The following TTC29 variants were observed in gnomAD, a reference collection of about 807,000 sequenced individuals.
The protein encoded by TTC29 is tetratricopeptide repeat domain 29.
In TTC29, 49 loss-of-function variants were observed where a neutral mutation model predicts 58.1. That is an observed-to-expected ratio of 0.84 (90% confidence interval 0.67 to 1.07). TTC29 has a LOEUF of 1.07. Ranked by LOEUF, TTC29 falls within the 50% of genes least tolerant of loss-of-function variation. TTC29 has a pLI of 0.00. For missense variants in TTC29, 582 were observed against 555.6 expected (o/e 1.05, Z -0.48); for synonymous variants, 209 against 196.8 (o/e 1.06, Z -0.52).
chr4:146,736,152 C>G lies in TTC29; in HGVS notation c.1331-28601G>C, dbSNP rs150836120. Reference sequence around the variant, plus strand: ...AAATTTGATCTGAAATTGCCTGGAACGATAGTCAAGCAGATTAATCAAGAT... The same window carrying G: ...AAATTTGATCTGAAATTGCCTGGAAGGATAGTCAAGCAGATTAATCAAGAT... On this transcript the variant is annotated intron_variant, in intron 11 of 12. Coordinates refer to ENST00000325106, the MANE Select transcript of TTC29 (RefSeq NM_031956.4). Among the ~76,000 whole-genome samples the G allele has an allele frequency of 7.0e-3, 1,056 of 151,734 alleles. 7 individuals carry two copies. The highest frequency in any genetic ancestry group is 0.025 in the African/African-American group (1,021 of 41,394).
chr4:146,904,221 C>T (rs972134983), intron 5 of TTC29, among the ~76,000 whole-genome samples: 7 of 152,088 alleles, frequency 4.6e-5, no homozygotes, highest in Non-Finnish European at 1.0e-4. Context: ...AAAAATGTCA[C>T]GGGCCTGATA....
intron 11 of TTC29, among the ~76,000 whole-genome samples, chr4:146,718,655 T>C (rs1005413773): frequency 6.6e-6 from 1 of 152,036 alleles, no homozygotes; most frequent in Admixed American, 6.6e-5. Flanking sequence ...TTCCAATGCA[T>C]AGGTTTTCTC....
intron 8 of TTC29, among the ~76,000 whole-genome samples, chr4:146,863,920 A>C (rs770210277): frequency 6.6e-6 from 1 of 152,142 alleles, no homozygotes; most frequent in Non-Finnish European, 1.5e-5. Flanking sequence ...GCCCATCCAC[A>C]TAGGGGAAGG....
chr4:146,915,083 T>A (rs1734134129), intron 4 of TTC29, among the ~76,000 whole-genome samples: 1 of 152,146 alleles, frequency 6.6e-6, no homozygotes, highest in Admixed American at 6.6e-5. Flanking sequence ...CTTCAATTTT[T>A]ACAAATTAAA....
At chr4:146,905,326 AT>A (rs1255232943) in intron 5 of TTC29, among the ~76,000 whole-genome samples, 125 of 125,446 alleles carry the variant, frequency 1.0e-3, no homozygotes, top group African/African-American at 3.5e-3. Context: ...AATAAAAAGT[AT>A]ATATATATAT....
At chr4:146,840,718 T>C (rs1326376576) in intron 8 of TTC29, among the ~76,000 whole-genome samples, 2 of 152,138 alleles carry the variant, frequency 1.3e-5, no homozygotes, top group East Asian at 3.8e-4. Flanking sequence ...GAATTTCAGA[T>C]AGTTGTAAGA....
chr4:146,941,872 GGA>G (rs1254739713), intron 2 of TTC29, among the ~76,000 whole-genome samples: 2 of 152,144 alleles, frequency 1.3e-5, no homozygotes, highest in Admixed American at 1.3e-4. Context: ...GAAATACAGG[GGA>G]GAGAGAGTGG....
intron 11 of TTC29, among the ~76,000 whole-genome samples, chr4:146,785,495 A>C (rs995311211): frequency 3.9e-5 from 6 of 152,164 alleles, no homozygotes; most frequent in African/African-American, 1.4e-4. Context: ...TTGTGCTGTA[A>C]TTGTTAATAC....
intron 6 of TTC29, among the ~76,000 whole-genome samples, chr4:146,886,309 A>G (rs909527889): frequency 6.6e-6 from 1 of 152,100 alleles, no homozygotes; most frequent in Non-Finnish European, 1.5e-5. Flanking sequence ...ATGACAAAAA[A>G]CCTGTTAGAA....
Position 146,820,191 on chromosome 4 carries a change from T to C in TTC29, c.1035A>G (p.Arg345=). The C allele has an allele frequency of 6.2e-7, 1 of 1,613,232 alleles. No individual in the cohort carries two copies. Residue 345 remains arginine (R), a synonymous_variant, in exon 10 of 13, where the codon AGA becomes AGG. Coordinates refer to ENST00000325106, the MANE Select transcript of TTC29 (RefSeq NM_031956.4). ...CCAAATCTAGGCTTTGAAAATTGTTTCTTGCAATTTTCACAAATTTTTTCA... is the reference window on the plus strand; with the variant it reads ...CCAAATCTAGGCTTTGAAAATTGTTCCTTGCAATTTTCACAAATTTTTTCA... ...KYLKKFVKIA[R]NNFQSLDLVR...
At chr4:146,720,697 A>T (rs1417585536) in intron 11 of TTC29, among the ~76,000 whole-genome samples, 2 of 152,172 alleles carry the variant, frequency 1.3e-5, no homozygotes, top group Non-Finnish European at 2.9e-5. Context: ...GTAGAACTCA[A>T]TAGCAAACCA....
At chr4:146,944,825 CAT>C in intron 2 of TTC29, among the ~76,000 whole-genome samples, 1 of 148,644 alleles carries the variant, frequency 6.7e-6, no homozygotes. Context: ...AAAAAAAAAA[CAT>C]AATTAAGTTT....
intron 7 of TTC29, among the ~76,000 whole-genome samples, chr4:146,868,524 A>C (rs1730714487): frequency 6.6e-6 from 1 of 152,140 alleles, no homozygotes; most frequent in Admixed American, 6.6e-5. Flanking sequence ...CAATAAAGTT[A>C]GTCTTTCTAA....
intron 8 of TTC29, among the ~76,000 whole-genome samples, chr4:146,843,466 C>T (rs1222348331): frequency 6.6e-6 from 1 of 152,082 alleles, no homozygotes; most frequent in African/African-American, 2.4e-5. Flanking sequence ...AGAGTATCTC[C>T]CATACATTGA....
chr4:146,828,901 G>A (rs562768922), intron 9 of TTC29, among the ~76,000 whole-genome samples: 1 of 152,216 alleles, frequency 6.6e-6, no homozygotes, highest in African/African-American at 2.4e-5. Context: ...GCTGGTTAAA[G>A]GTTTTCCAAA....
At chr4:146,755,224 A>T (rs1746351165) in intron 11 of TTC29, among the ~76,000 whole-genome samples, 1 of 152,182 alleles carries the variant, frequency 6.6e-6, no homozygotes, top group Non-Finnish European at 1.5e-5. Flanking sequence ...AAAGAAGTTG[A>T]AGAAGACACA....
intron 7 of TTC29, among the ~76,000 whole-genome samples, chr4:146,869,572 A>C (rs1730793722): frequency 6.6e-6 from 1 of 152,100 alleles, no homozygotes; most frequent in African/African-American, 2.4e-5. Context: ...CTATGACAGG[A>C]AGCTACTTAT....
At chr4:146,736,134 A>G (rs1744692990) in intron 11 of TTC29, among the ~76,000 whole-genome samples, 1 of 152,096 alleles carries the variant, frequency 6.6e-6, no homozygotes, top group South Asian at 2.1e-4. Context: ...GAGAAATTTG[A>G]TCTGAAATTG....
At chr4:146,902,422 A>G (rs1272095753) in intron 6 of TTC29, among the ~76,000 whole-genome samples, 1 of 152,198 alleles carries the variant, frequency 6.6e-6, no homozygotes, top group African/African-American at 2.4e-5. Flanking sequence ...ACAAACCTGC[A>G]TATGTACCCC....
Sources: gnomAD v4.1 joint callset for allele counts (sites outside exome capture counted in the v4.1 genomes callset) on GRCh38, gnomAD v4.1.1 for gene constraint, MANE v1.5 for transcripts, NCBI Gene and HGNC (gene_info 2026-07-23, HGNC 2026-07-21) for gene names.